RBMS3: variants seen among roughly 807,000 people sequenced by gnomAD.
The protein encoded by RBMS3 is RNA-binding motif, single-stranded-interacting protein 3.
RBMS3 carries 27 observed loss-of-function variants against 66.8 expected under a neutral mutation model. That is an observed-to-expected ratio of 0.40 (90% CI 0.30 to 0.56). The LOEUF is 0.56. Ranked by LOEUF, RBMS3 falls within the 20% of genes least tolerant of loss-of-function variation. The probability of loss-of-function intolerance (pLI) is 0.40; values close to 1 mark genes in which losing one functional copy is unlikely to be tolerated. For synonymous variants in RBMS3, 188 were observed against 183.0 expected (o/e 1.03, Z -0.22); for missense variants, 513 against 549.5 (o/e 0.93, Z 0.66).
intron 4 of RBMS3, among the ~76,000 whole-genome samples, chr3:29,706,586 G>A (rs2052904850): frequency 6.6e-6 from 1 of 152,144 alleles, no homozygotes; most frequent in South Asian, 2.1e-4. Context: ...ATGAAATCAT[G>A]TACCCCACTA....
In RBMS3 at chr3:29,648,560, A is replaced by G. The variant is rs1001700552; in HGVS notation, c.399+61355A>G. On this transcript the variant is annotated intron_variant, in intron 4 of 14. Coordinates refer to ENST00000383767, the MANE Select transcript of RBMS3 (RefSeq NM_001003793.3). Reference sequence around the variant, plus strand: ...AGTGCCGAGATTACAGACGTGAGCCACCACAACTGGCTAGGGGAAATGACT... The same window carrying G: ...AGTGCCGAGATTACAGACGTGAGCCGCCACAACTGGCTAGGGGAAATGACT... Among the ~76,000 whole-genome samples the G allele has an allele frequency of 2.2e-4, 34 of 152,104 alleles. 1 individual carries two copies. The highest frequency in any genetic ancestry group is 2.1e-4 in the South Asian group (1 of 4,830).
chr3:29,906,821 A>G (rs1051822677), intron 10 of RBMS3, among the ~76,000 whole-genome samples: 5 of 152,102 alleles, frequency 3.3e-5, no homozygotes, highest in Non-Finnish European at 5.9e-5. Flanking sequence ...ACTTATCTAC[A>G]TCTACAAACA....
intron 3 of RBMS3, among the ~76,000 whole-genome samples, chr3:29,561,517 A>T (rs372538672): frequency 2.0e-5 from 3 of 152,064 alleles, no homozygotes; most frequent in Non-Finnish European, 4.4e-5. Flanking sequence ...CAGTGGCACA[A>T]TCTCAGCTCA....
intron 2 of RBMS3, among the ~76,000 whole-genome samples, chr3:29,460,323 T>C (rs75887686): frequency 0.036 from 5,539 of 152,294 alleles, 153 homozygotes; most frequent in Admixed American, 0.094. Flanking sequence ...TACAAAATGT[T>C]TGTGTGTTTT....
At chr3:29,399,291 A>G (rs2039697731) in intron 1 of RBMS3, among the ~76,000 whole-genome samples, 1 of 152,110 alleles carries the variant, frequency 6.6e-6, no homozygotes, top group Admixed American at 6.6e-5. Context: ...GGCTTATATC[A>G]GTAATAGTTT....
intron 4 of RBMS3, among the ~76,000 whole-genome samples, chr3:29,697,680 AGTTT>A (rs1374030647): frequency 2.6e-5 from 4 of 152,212 alleles, no homozygotes; most frequent in Non-Finnish European, 2.9e-5. Context: ...CTAAACACAG[AGTTT>A]GTTTATGTTT....
intron 1 of RBMS3, among the ~76,000 whole-genome samples, chr3:29,423,401 G>C (rs1180218226): frequency 6.6e-6 from 1 of 152,042 alleles, no homozygotes; most frequent in Non-Finnish European, 1.5e-5. Flanking sequence ...TGCATGTTTG[G>C]TCAGGGGAGG....
At chr3:29,402,293 G>A (rs1169584019) in intron 1 of RBMS3, among the ~76,000 whole-genome samples, 1 of 152,038 alleles carries the variant, frequency 6.6e-6, no homozygotes, top group East Asian at 1.9e-4. Flanking sequence ...AGGTAGTACT[G>A]AAGACTCCAA....
chr3:29,882,680 T>G (rs958393685), intron 7 of RBMS3, among the ~76,000 whole-genome samples: 1 of 152,124 alleles, frequency 6.6e-6, no homozygotes, highest in Non-Finnish European at 1.5e-5. Context: ...ATACTGTACA[T>G]CAGGCCCTCT....
intron 4 of RBMS3, among the ~76,000 whole-genome samples, chr3:29,642,020 A>G (rs1444398503): frequency 6.6e-6 from 1 of 152,120 alleles, no homozygotes; most frequent in African/African-American, 2.4e-5. Context: ...CATTTTATGA[A>G]GAGATACATA....
At chr3:29,403,031 T>A (rs1559551854) in intron 1 of RBMS3, among the ~76,000 whole-genome samples, 1 of 151,740 alleles carries the variant, frequency 6.6e-6, no homozygotes, top group African/African-American at 2.4e-5. Flanking sequence ...AAGACGATCA[T>A]AGAATGATTT....
intron 4 of RBMS3, among the ~76,000 whole-genome samples, chr3:29,626,910 G>GT (rs1576390685): frequency 1.3e-5 from 2 of 152,240 alleles, no homozygotes; most frequent in East Asian, 3.9e-4. Context: ...AATTAAGTGA[G>GT]TAAGTATATG....
chr3:29,880,852 G>A lies in RBMS3; in HGVS notation c.745-3310G>A, dbSNP rs116472378. ...TCTTGTATTCATTCCCGACCCTTTT[G>A]CAATGAAAATCTCACCTTAGATTCT... On this transcript the variant is annotated intron_variant, in intron 7 of 14. Coordinates refer to ENST00000383767, the MANE Select transcript of RBMS3 (RefSeq NM_001003793.3). 5.4e-4 allele frequency: 825 copies of A among 1,524,088 alleles called. 2 individuals are homozygous for A. In the African/African-American group the frequency reaches 0.01, roughly 19 times the overall value. 94.4% of individuals were successfully genotyped at this position (1,524,088 alleles called of 1,614,324 possible).
At chr3:29,577,569 G>T (rs1384644356) in intron 3 of RBMS3, among the ~76,000 whole-genome samples, 1 of 152,214 alleles carries the variant, frequency 6.6e-6, no homozygotes, top group African/African-American at 2.4e-5. Flanking sequence ...GGCAAGGCTT[G>T]CCAGGAAACT....
intron 4 of RBMS3, among the ~76,000 whole-genome samples, chr3:29,639,593 C>CAGAGAGAGAGAGAGAG (rs60712857): frequency 0.02 from 2,910 of 143,032 alleles, 47 homozygotes; most frequent in East Asian, 0.073. Flanking sequence ...AGAAGATAGA[C>CAGAGAGAGAGAGAGAG]AGAGAGAGAG....
At chr3:29,432,265 A>G (rs2041236818) in intron 1 of RBMS3, among the ~76,000 whole-genome samples, 2 of 152,300 alleles carry the variant, frequency 1.3e-5, no homozygotes, top group South Asian at 4.1e-4. Flanking sequence ...CAAGTTTTCT[A>G]GCATGGAGAC....
intron 4 of RBMS3, among the ~76,000 whole-genome samples, chr3:29,638,596 T>C (rs1033287307): frequency 6.6e-6 from 1 of 151,862 alleles, no homozygotes; most frequent in African/African-American, 2.4e-5. Flanking sequence ...CTATTTGCAG[T>C]ACAATTCGCA....
chr3:29,915,889 C>CT, intron 10 of RBMS3, among the ~76,000 whole-genome samples: 1 of 152,110 alleles, frequency 6.6e-6, no homozygotes, highest in South Asian at 2.1e-4. Flanking sequence ...AAGCATGTAG[C>CT]TTTAGTCTTT....
intron 4 of RBMS3, among the ~76,000 whole-genome samples, chr3:29,596,805 G>T (rs1331614959): frequency 6.6e-6 from 1 of 152,178 alleles, no homozygotes; most frequent in African/African-American, 2.4e-5. Context: ...ACATAGTGGG[G>T]CTTCATGAAT....
Sources: allele counts gnomAD v4.1 joint callset (sites outside exome capture counted in the v4.1 genomes callset), GRCh38; gene constraint gnomAD v4.1.1; transcripts MANE v1.5; gene names NCBI Gene and HGNC (gene_info 2026-07-23, HGNC 2026-07-21).